Variants in GPHN observed in about 807,000 individuals in gnomAD.
GPHN encodes gephyrin.
Under a neutral mutation model 95.5 loss-of-function variants are expected in GPHN, and 17 were observed. That is an observed-to-expected ratio of 0.18 (90% CI 0.12 to 0.27). The LOEUF is 0.27. GPHN is among the 10% of genes least tolerant of loss of function. GPHN has a pLI of 1.00. For synonymous variants in GPHN, 320 were observed against 322.5 expected (o/e 0.99, Z 0.08); for missense variants, 660 against 978.1 (o/e 0.67, Z 4.34).
intron 18 of GPHN, among the ~76,000 whole-genome samples, chr14:67,148,781 T>A (rs1390621283): frequency 6.6e-6 from 1 of 151,604 alleles, no homozygotes; most frequent in Non-Finnish European, 1.5e-5. Flanking sequence ...TTAGCCAGGA[T>A]GGTCTCGATC....
chr14:67,603,661 C>T, the GPHN span, among the ~76,000 whole-genome samples: 1 of 152,042 alleles, frequency 6.6e-6, no homozygotes, highest in Non-Finnish European at 1.5e-5. Context: ...TCACTAAAAT[C>T]CTTATTACTG....
At chr14:67,241,365 A>G in the GPHN span, 14 of 151,746 alleles carry the variant, frequency 9.2e-5, no homozygotes, top group East Asian at 2.5e-3. Flanking sequence ...GACGGCGGCG[A>G]CGGAGGAGGC....
chr14:67,393,069 G>A, the GPHN span: 1 of 1,116,696 alleles, frequency 9.0e-7, no homozygotes, highest in Non-Finnish European at 1.4e-6. Flanking sequence ...CCTCAATACA[G>A]GGCGGTCAAG....
At chr14:66,808,966 G>T (rs1415592974) in intron 3 of GPHN, among the ~76,000 whole-genome samples, 1 of 152,130 alleles carries the variant, frequency 6.6e-6, no homozygotes, top group East Asian at 1.9e-4. Flanking sequence ...AAGCATTGTG[G>T]TTTTCAGAAG....
the GPHN span, among the ~76,000 whole-genome samples, chr14:67,549,875 G>A: frequency 3.3e-5 from 5 of 152,334 alleles, no homozygotes; most frequent in South Asian, 1.0e-3. Flanking sequence ...TCTGTGGGCA[G>A]AGCCCAAGAA....
the GPHN span, chr14:67,200,312 C>T: frequency 1.5e-6 from 1 of 663,064 alleles, no homozygotes; most frequent in Non-Finnish European, 2.7e-6. Flanking sequence ...CGCTTTGGAG[C>T]CCTCTCCCTC....
the GPHN span, among the ~76,000 whole-genome samples, chr14:67,572,558 A>G: frequency 6.6e-6 from 1 of 152,170 alleles, no homozygotes; most frequent in Non-Finnish European, 1.5e-5. Flanking sequence ...AGAGTTTTCC[A>G]TATATGACTT....
chr14:67,151,554 G>A (rs980225164), intron 18 of GPHN, among the ~76,000 whole-genome samples: 1 of 152,218 alleles, frequency 6.6e-6, no homozygotes. Flanking sequence ...GGCCAAAATA[G>A]AGAAACCAAA....
the GPHN span, among the ~76,000 whole-genome samples, chr14:67,323,232 C>CATGTGTGTGTGTGTGT: frequency 1.4e-3 from 203 of 143,592 alleles, 2 homozygotes; most frequent in African/African-American, 5.0e-3. Flanking sequence ...CATATATACA[C>CATGTGTGTGTGTGTGT]GTGTGTGTGT....
In GPHN at chr14:66,741,712, A is replaced by T. The variant is rs546114274; in HGVS notation, c.144-34752A>T. On this transcript the variant is annotated intron_variant, in intron 2 of 22. Coordinates refer to ENST00000478722, the MANE Select transcript of GPHN (RefSeq NM_020806.5). The stretch of plus-strand genomic sequence containing the variant: ...AAGTTAATTTTCTAGCTGACATCAA[A>T]TTATTTCTTCCTCTCAAGTCCTTTG... Among the ~76,000 whole-genome samples the T allele has an allele frequency of 1.6e-4, 25 of 152,272 alleles. No homozygotes were observed. In the South Asian group the frequency reaches 5.2e-3, roughly 32 times the overall value.
the GPHN span, chr14:67,645,624 T>G: frequency 9.3e-6 from 15 of 1,608,962 alleles, no homozygotes. Flanking sequence ...GCCTTCAAGA[T>G]TATACTTGTT....
the GPHN span, chr14:67,589,502 T>C: frequency 1.0e-6 from 1 of 985,222 alleles, no homozygotes; most frequent in Middle Eastern, 5.2e-4. Context: ...ATGATCTTGT[T>C]TGTCAATAAA....
chr14:66,650,882 A>G (rs1164505269), intron 1 of GPHN, among the ~76,000 whole-genome samples: 1 of 152,148 alleles, frequency 6.6e-6, no homozygotes, highest in Non-Finnish European at 1.5e-5. Flanking sequence ...TCGCTTCTGA[A>G]TGTGAGCCTA....
At chr14:67,481,004 G>A in the GPHN span, among the ~76,000 whole-genome samples, 1 of 152,172 alleles carries the variant, frequency 6.6e-6, no homozygotes, top group Non-Finnish European at 1.5e-5. Context: ...GGAAGTTGCT[G>A]AACAGAAGAG....
the GPHN span, among the ~76,000 whole-genome samples, chr14:67,602,935 C>T: frequency 6.6e-6 from 1 of 152,154 alleles, no homozygotes; most frequent in Non-Finnish European, 1.5e-5. Context: ...TCTTAGAAGT[C>T]CTATGTATTT....
intron 2 of GPHN, among the ~76,000 whole-genome samples, chr14:66,762,688 A>G (rs2058803909): frequency 6.6e-6 from 1 of 152,140 alleles, no homozygotes; most frequent in African/African-American, 2.4e-5. Flanking sequence ...GTATATGTAA[A>G]AATGCCTAAC....
chr14:67,312,606 A>T, the GPHN span: 5 of 1,613,762 alleles, frequency 3.1e-6, no homozygotes, highest in East Asian at 1.1e-4. Context: ...CTGTCTTTTC[A>T]AAAAGGTGAT....
chr14:66,847,686 C>G (rs1303094460), intron 4 of GPHN, among the ~76,000 whole-genome samples: 1 of 151,864 alleles, frequency 6.6e-6, no homozygotes, highest in Non-Finnish European at 1.5e-5. Context: ...TATTCAAGAC[C>G]TTGCAAAGGA....
At chr14:67,328,260 G>A in the GPHN span, among the ~76,000 whole-genome samples, 4 of 152,136 alleles carry the variant, frequency 2.6e-5, no homozygotes, top group African/African-American at 7.2e-5. Context: ...TCATGTGTCT[G>A]TTGGCTGCAT....
Sources: gnomAD v4.1 joint callset for allele counts (sites outside exome capture counted in the v4.1 genomes callset) on GRCh38, gnomAD v4.1.1 for gene constraint, MANE v1.5 for transcripts, NCBI Gene and HGNC (gene_info 2026-07-23, HGNC 2026-07-21) for gene names.